ARHGEF37: variants seen among roughly 807,000 people sequenced by gnomAD.
The protein encoded by ARHGEF37 is Rho guanine nucleotide exchange factor 37.
Under a neutral mutation model 71.1 loss-of-function variants are expected in ARHGEF37, and 55 were observed. The ratio of observed to expected loss-of-function variants is 0.77; its 90% CI spans 0.62 to 0.97. The LOEUF (loss-of-function observed/expected upper bound fraction) is 0.97. Ranked by LOEUF, ARHGEF37 falls within the 50% of genes least tolerant of loss-of-function variation. The pLI is 0.00. For synonymous variants in ARHGEF37, 327 were observed against 350.6 expected, an observed-to-expected ratio of 0.93 and a Z score of 0.75; for missense variants, 765 against 836.8, an observed-to-expected ratio of 0.91 and a Z score of 1.06.
At chr5:149,598,378 CTCT>C (rs1243057977) in intron 2 of ARHGEF37, among the ~76,000 whole-genome samples, 1 of 106,820 alleles carries the variant, frequency 9.4e-6, no homozygotes, top group African/African-American at 3.3e-5. Context: ...CTTCCTCTTC[CTCT>C]TCTTCCTCTT....
intron 1 of ARHGEF37, among the ~76,000 whole-genome samples, chr5:149,563,297 G>T (rs940791298): frequency 7.2e-5 from 11 of 152,092 alleles, no homozygotes; most frequent in African/African-American, 2.7e-4. Context: ...CACCCTTCTT[G>T]CTTCCTGTCA....
intron 8 of ARHGEF37, 93 bp from the exon 9 acceptor site, chr5:149,621,640 G>C (rs1488670815): frequency 8.2e-7 from 1 of 1,212,176 alleles, no homozygotes; most frequent in Non-Finnish European, 1.2e-6. Flanking sequence ...AGTTAGACTG[G>C]AATCCAGGCC....
rs529060756 is a variant in ARHGEF37 at position 149,576,397 on chromosome 5, C to T, written c.-11-21362C>T. On this transcript the variant is annotated intron_variant, in intron 1 of 2. Transcript: ENST00000505810. ...GAGGCCTGTGTGAGCTTCTGAATCT[C>T]TCAAAATGTCAGTTTTCTCATTTGT... Among the ~76,000 whole-genome samples, 6 of 152,324 alleles carry T rather than the reference C, an allele frequency of 3.9e-5. No homozygotes were observed. In the Middle Eastern group the frequency reaches 0.017, roughly 432 times the overall value.
At chr5:149,558,383 A>G (rs1762781253) in intron 1 of ARHGEF37, among the ~76,000 whole-genome samples, 1 of 152,098 alleles carries the variant, frequency 6.6e-6, no homozygotes, top group South Asian at 2.1e-4. Context: ...GCTTGCGCCT[A>G]TAATCCCAGC....
intron 3 of ARHGEF37, chr5:149,606,624 T>C (rs1050965005): frequency 1.3e-5 from 2 of 152,220 alleles, no homozygotes; most frequent in African/African-American, 4.8e-5. Flanking sequence ...CTAATCTCAT[T>C]AGTTTCTGAT....
chr5:149,570,994 G>A (rs1762956200), intron 1 of ARHGEF37, among the ~76,000 whole-genome samples: 1 of 152,116 alleles, frequency 6.6e-6, no homozygotes. Flanking sequence ...CCAGGCTGGA[G>A]TGCAGTAGCA....
At chr5:149,617,031 C>T (rs1752402064) in intron 5 of ARHGEF37, among the ~76,000 whole-genome samples, 1 of 152,172 alleles carries the variant, frequency 6.6e-6, no homozygotes, top group Admixed American at 6.5e-5. Context: ...TTCCAAGACT[C>T]ACAGCTGCAC....
chr5:149,598,478 C>G (rs1258871467), intron 2 of ARHGEF37, among the ~76,000 whole-genome samples: 1 of 150,090 alleles, frequency 6.7e-6, no homozygotes, highest in African/African-American at 2.5e-5. Context: ...TCTTTTTCCT[C>G]TTCTTCTTCT....
At chr5:149,575,842 T>G (rs1389279119) in intron 1 of ARHGEF37, among the ~76,000 whole-genome samples, 4 of 152,022 alleles carry the variant, frequency 2.6e-5, no homozygotes, top group Non-Finnish European at 5.9e-5. Flanking sequence ...TCAGGGAGTT[T>G]GAGACTAGCC....
upstream of ARHGEF37, among the ~76,000 whole-genome samples, chr5:149,577,750 T>C (rs1328560661): frequency 6.6e-6 from 1 of 152,264 alleles, no homozygotes; most frequent in East Asian, 1.9e-4. Context: ...ATTTGTCATT[T>C]TCCTGGCTGC....
rs1269361436 is a variant in ARHGEF37 at position 149,609,602 on chromosome 5, G to A, written c.365G>A (p.Cys122Tyr). Reference sequence around the variant, plus strand: ...TTGGAGCAAGTCTATAAGGTCTACTGTGCCAGCTACGACCAGGCCTTGCTA... The same window carrying A: ...TTGGAGCAAGTCTATAAGGTCTACTATGCCAGCTACGACCAGGCCTTGCTA... ...EELEQVYKVY[C>Y]ASYDQALLLV... Residue 122 changes from cysteine to tyrosine, a missense_variant, in exon 4 of 13, where the codon TGT becomes TAT. Coordinates refer to ENST00000333677, the MANE Select transcript of ARHGEF37 (RefSeq NM_001001669.3). The A allele has an allele frequency of 7.4e-6, 12 of 1,613,846 alleles. No homozygotes were observed. Among genetic ancestry groups the A allele is most frequent in the South Asian group, 1.1e-5 (1 of 91,078 alleles).
chr5:149,609,444 A>G lies in ARHGEF37; in HGVS notation c.311-104A>G, dbSNP rs1407317588. 7 of 1,304,288 alleles carry G rather than the reference A, an allele frequency of 5.4e-6. No individual in the cohort carries two copies. The African/African-American group carries it at 8.7e-5, about 16-fold the overall frequency. 80.8% of individuals were successfully genotyped at this position (1,304,288 alleles called of 1,614,324 possible). On this transcript the variant is annotated intron_variant, in intron 3 of 12. Transcript: ENST00000333677. ...TGGTGACATGCTGGTAAACCCAGCA[A>G]TCTCACTGGAGAGCTGGAGGGGTTT...
chr5:149,598,799 G>GAT (rs1272174431), intron 2 of ARHGEF37, among the ~76,000 whole-genome samples: 2 of 135,280 alleles, frequency 1.5e-5, no homozygotes, highest in African/African-American at 5.3e-5. Flanking sequence ...TAGATATATA[G>GAT]ATATATATAT....
intron 1 of ARHGEF37, among the ~76,000 whole-genome samples, chr5:149,584,879 C>T (rs2113271003): frequency 6.6e-6 from 1 of 152,202 alleles, no homozygotes; most frequent in South Asian, 2.1e-4. Flanking sequence ...GCCTTGGCCT[C>T]CCAAAGTGCT....
intron 1 of ARHGEF37, among the ~76,000 whole-genome samples, chr5:149,554,253 C>T (rs1193295169): frequency 6.6e-6 from 1 of 152,100 alleles, no homozygotes; most frequent in Non-Finnish European, 1.5e-5. Flanking sequence ...TCATTTGACT[C>T]CAGGAGTTCC....
chr5:149,563,946 A>ATTTTT (rs570750342), intron 1 of ARHGEF37, among the ~76,000 whole-genome samples: 7 of 124,864 alleles, frequency 5.6e-5, no homozygotes, highest in African/African-American at 1.3e-4. Context: ...ATTAGTTTAA[A>ATTTTT]TTTTTTTTTT....
upstream of ARHGEF37, among the ~76,000 whole-genome samples, chr5:149,579,168 A>G (rs1763061404): frequency 6.6e-6 from 1 of 152,194 alleles, no homozygotes; most frequent in Non-Finnish European, 1.5e-5. Flanking sequence ...CGTACTTCTG[A>G]AAAAAAGCGC....
intron 3 of ARHGEF37, 32 bp downstream of exon 3, chr5:149,601,263 T>G: frequency 6.2e-7 from 1 of 1,600,874 alleles, no homozygotes; most frequent in African/African-American, 1.3e-5. Flanking sequence ...TTGTCAGCCT[T>G]AGATTCTCAT....
chr5:149,593,028 CCAAAGTGCTGAGATTA>C (rs1763455843), intron 1 of ARHGEF37, among the ~76,000 whole-genome samples: 1 of 152,170 alleles, frequency 6.6e-6, no homozygotes, highest in Non-Finnish European at 1.5e-5. Flanking sequence ...CCTCAGCCTT[CCAAAGTGCTGAGATTA>C]CAGGTGTAAG....
Sources: allele counts gnomAD v4.1 joint callset (sites outside exome capture counted in the v4.1 genomes callset), GRCh38; gene constraint gnomAD v4.1.1; transcripts MANE v1.5; gene names NCBI Gene and HGNC (gene_info 2026-07-23, HGNC 2026-07-21).